The following HPSE2 variants were observed in gnomAD, a reference collection of about 807,000 sequenced individuals.
The protein encoded by HPSE2 is heparanase 2 (inactive).
In HPSE2, 38 loss-of-function variants were observed where a neutral mutation model predicts 60.5. The ratio of observed to expected loss-of-function variants is 0.63; its 90% confidence interval spans 0.48 to 0.82. The LOEUF is 0.82. Among genes scored for constraint, HPSE2 ranks in the 40% least tolerant of loss-of-function variants. HPSE2 has a pLI of 0.00. For synonymous variants in HPSE2, 295 were observed against 293.2 expected, an observed-to-expected ratio of 1.01 and a Z score of -0.06; for missense variants, 713 against 740.4, an observed-to-expected ratio of 0.96 and a Z score of 0.43.
the HPSE2 span, among the ~76,000 whole-genome samples, chr10:99,257,335 T>C: frequency 6.6e-6 from 1 of 152,208 alleles, no homozygotes; most frequent in Non-Finnish European, 1.5e-5. Flanking sequence ...GCCATATTTC[T>C]CTTCTTTCAA....
At chr10:98,652,094 T>C (rs1946933122) in intron 6 of HPSE2, among the ~76,000 whole-genome samples, 1 of 152,110 alleles carries the variant, frequency 6.6e-6, no homozygotes, top group Non-Finnish European at 1.5e-5. Context: ...TTTTTAAAAG[T>C]TAAAGACAGA....
chr10:98,702,420 A>C (rs1295774765), intron 5 of HPSE2, among the ~76,000 whole-genome samples: 3 of 152,204 alleles, frequency 2.0e-5, no homozygotes, highest in African/African-American at 7.2e-5. Context: ...AAAATTAACA[A>C]GGATATTCAG....
intron 3 of HPSE2, among the ~76,000 whole-genome samples, chr10:98,838,675 T>A (rs1445136501): frequency 2.0e-5 from 3 of 151,892 alleles, no homozygotes; most frequent in Non-Finnish European, 4.4e-5. Flanking sequence ...CAAGCAATCC[T>A]CCCACTTTGG....
intron 3 of HPSE2, among the ~76,000 whole-genome samples, chr10:98,899,758 C>CTTTTTTTTTTTTTTTTTTTTTTTTTTTT (rs61080994): frequency 8.4e-6 from 1 of 118,370 alleles, no homozygotes; most frequent in Non-Finnish European, 1.7e-5. Flanking sequence ...TTGGCAGTGT[C>CTTTTTTTTTTTTTTTTTTTTTTTTTTTT]TTTTTTTTTT....
chr10:98,481,879 G>A (rs933632408), intron 11 of HPSE2, among the ~76,000 whole-genome samples: 2 of 152,158 alleles, frequency 1.3e-5, no homozygotes, highest in Non-Finnish European at 2.9e-5. Flanking sequence ...TCGGGGAGCT[G>A]GGGTGGCCTT....
intron 3 of HPSE2, among the ~76,000 whole-genome samples, chr10:98,902,489 C>A (rs370355547): frequency 1.1e-4 from 16 of 152,196 alleles, no homozygotes; most frequent in African/African-American, 3.6e-4. Context: ...GTATGAATGA[C>A]AATATGAGTC....
rs552824195 is a variant in HPSE2 at position 98,984,800 on chromosome 10, C to G, written c.610+159438G>C. Among the ~76,000 whole-genome samples, 87 of 152,246 alleles carry G rather than the reference C, an allele frequency of 5.7e-4. 1 individual carries two copies. Among genetic ancestry groups the G allele is most frequent in the Middle Eastern group, 3.4e-3 (1 of 294 alleles). ...TCAATGCAGAGAAGTCCTTAAAGGA[C>G]CTGATGGAGCTGAAAACCACGGCAC... On this transcript the variant is annotated intron_variant, in intron 3 of 11. Transcript: ENST00000370552.
chr10:98,980,006 G>A (rs1956170204), intron 3 of HPSE2, among the ~76,000 whole-genome samples: 1 of 152,156 alleles, frequency 6.6e-6, no homozygotes. Flanking sequence ...TTCTATGTCA[G>A]ATGAACGCTG....
intron 6 of HPSE2, among the ~76,000 whole-genome samples, chr10:98,675,539 TACACACACACAC>T (rs774393556): frequency 1.5e-4 from 18 of 121,594 alleles, no homozygotes; most frequent in East Asian, 5.7e-4. Context: ...GATCCCTGTC[TACACACACACAC>T]ACACACACAC....
At chr10:98,678,813 A>G (rs938437421) in intron 6 of HPSE2, among the ~76,000 whole-genome samples, 1 of 152,116 alleles carries the variant, frequency 6.6e-6, no homozygotes, top group Non-Finnish European at 1.5e-5. Context: ...TATTAAAAAT[A>G]ATCCTAGAGA....
chr10:98,488,506 C>CA (rs1564913547), intron 10 of HPSE2, among the ~76,000 whole-genome samples: 5 of 152,140 alleles, frequency 3.3e-5, no homozygotes, highest in Admixed American at 1.3e-4. Flanking sequence ...GATGAACACT[C>CA]GAGATCACGT....
chr10:98,545,724 T>C (rs1339551670), intron 9 of HPSE2, among the ~76,000 whole-genome samples: 1 of 151,836 alleles, frequency 6.6e-6, no homozygotes, highest in Admixed American at 6.6e-5. Flanking sequence ...CTGGAAGCAT[T>C]CCCTTTGAAA....
At chr10:98,841,917 C>T (rs1951923434) in intron 3 of HPSE2, among the ~76,000 whole-genome samples, 1 of 152,014 alleles carries the variant, frequency 6.6e-6, no homozygotes, top group South Asian at 2.1e-4. Flanking sequence ...AGCAATTCTC[C>T]TGCCTCAGCC....
chr10:99,071,337 T>G (rs778364902), intron 3 of HPSE2, among the ~76,000 whole-genome samples: 2 of 152,188 alleles, frequency 1.3e-5, no homozygotes, highest in Non-Finnish European at 2.9e-5. Flanking sequence ...CCCAAACTGC[T>G]GGGATTATAG....
At chr10:99,248,223 T>C in the HPSE2 span, among the ~76,000 whole-genome samples, 2 of 152,182 alleles carry the variant, frequency 1.3e-5, no homozygotes, top group Non-Finnish European at 2.9e-5. Flanking sequence ...TCCTAGAGCC[T>C]TGTTAAAATG....
At chr10:99,235,080 C>CAG in intron 1 of HPSE2, among the ~76,000 whole-genome samples, 2 of 141,976 alleles carry the variant, frequency 1.4e-5, no homozygotes, top group African/African-American at 2.6e-5. Flanking sequence ...CACTCACACA[C>CAG]ACACACTCTC....
At chr10:99,079,762 C>A (rs963454924) in intron 3 of HPSE2, among the ~76,000 whole-genome samples, 34 of 152,078 alleles carry the variant, frequency 2.2e-4, no homozygotes, top group African/African-American at 7.5e-4. Context: ...TTCATCCATT[C>A]ACTTTGTGCT....
chr10:99,016,554 T>C (rs1186992021), intron 3 of HPSE2, among the ~76,000 whole-genome samples: 2 of 152,178 alleles, frequency 1.3e-5, no homozygotes, highest in Non-Finnish European at 2.9e-5. Flanking sequence ...TTTTTTTTTC[T>C]AGTTCTGTGA....
chr10:99,230,159 A>G (rs1318599472), intron 2 of HPSE2, among the ~76,000 whole-genome samples: 4 of 152,246 alleles, frequency 2.6e-5, no homozygotes, highest in South Asian at 4.1e-4. Context: ...AGTGTCTGGA[A>G]GGACTGACTT....
Sources: gnomAD v4.1 joint callset for allele counts (sites outside exome capture counted in the v4.1 genomes callset) on GRCh38, gnomAD v4.1.1 for gene constraint, MANE v1.5 for transcripts, NCBI Gene and HGNC (gene_info 2026-07-23, HGNC 2026-07-21) for gene names.